The following CACNA1E variants were observed in gnomAD, a reference collection of about 807,000 sequenced individuals.
CACNA1E encodes calcium voltage-gated channel subunit alpha1 E.
CACNA1E carries 40 observed loss-of-function variants against 259.2 expected under a neutral mutation model. The ratio of observed to expected loss-of-function variants is 0.15; its 90% CI spans 0.12 to 0.20. The LOEUF is 0.20. CACNA1E is among the 10% of genes least tolerant of loss of function. CACNA1E has a pLI of 1.00. For synonymous variants in CACNA1E, 1,104 were observed against 1,138.5 expected (o/e 0.97, Z 0.61); for missense variants, 1,874 against 3,040.1 (o/e 0.62, Z 9.02).
intron 6 of CACNA1E, among the ~76,000 whole-genome samples, chr1:181,644,303 T>C (rs992265608): frequency 6.6e-6 from 1 of 152,192 alleles, no homozygotes; most frequent in African/African-American, 2.4e-5. Context: ...GATCTGCCGA[T>C]AAGTTGCTTG....
intron 10 of CACNA1E, among the ~76,000 whole-genome samples, chr1:181,716,356 G>A (rs991458772): frequency 7.2e-5 from 11 of 151,738 alleles, no homozygotes; most frequent in Non-Finnish European, 1.6e-4. Flanking sequence ...TGGGATTTAG[G>A]GCTAAGAATC....
chr1:181,715,494 C>T (rs1653806137), intron 9 of CACNA1E, 103 bp downstream of exon 9: 2 of 695,342 alleles, frequency 2.9e-6, no homozygotes, highest in African/African-American at 3.6e-5. Flanking sequence ...AGATGGTGTT[C>T]TGGGATTGGA....
At chr1:181,756,811 T>A in intron 29 of CACNA1E, 114 bp from the exon 30 acceptor site, 1 of 732,924 alleles carries the variant, frequency 1.4e-6, no homozygotes. Context: ...AAAAAATTAA[T>A]GGAGGATCTG....
chr1:181,599,056 C>G (rs1162521429), intron 6 of CACNA1E, among the ~76,000 whole-genome samples: 2 of 152,112 alleles, frequency 1.3e-5, no homozygotes, highest in African/African-American at 4.8e-5. Context: ...CATCCCATCA[C>G]CCAGATACCA....
At chr1:181,598,567 T>C (rs113042814) in intron 6 of CACNA1E, among the ~76,000 whole-genome samples, 10 of 152,018 alleles carry the variant, frequency 6.6e-5, no homozygotes, top group African/African-American at 2.4e-4. Context: ...GGGAAGAGAT[T>C]GGGGGTGAGT....
chr1:181,638,039 C>A (rs1657399577), intron 6 of CACNA1E, among the ~76,000 whole-genome samples: 1 of 152,104 alleles, frequency 6.6e-6, no homozygotes, highest in South Asian at 2.1e-4. Flanking sequence ...TTGGCATGGG[C>A]AAATTCCCAT....
intron 6 of CACNA1E, among the ~76,000 whole-genome samples, chr1:181,644,396 A>G (rs1398247413): frequency 6.6e-6 from 1 of 152,170 alleles, no homozygotes; most frequent in African/African-American, 2.4e-5. Flanking sequence ...TGTTCTCATC[A>G]TCCTCTTCCA....
In CACNA1E at chr1:181,649,099, C is replaced by T. The variant is rs140551507; in HGVS notation, c.952-2239C>T. ...CATGTCTTAACGATCTCAGAGAAAA[C>T]GGCTTCCTACCTCCCTTAAAACCCT... On this transcript the variant is annotated intron_variant, in intron 6 of 47. Transcript: ENST00000367573. 3.9e-5 allele frequency among the ~76,000 whole-genome samples: 6 copies of T among 152,326 alleles called. No individual in the cohort carries two copies. In the East Asian group the frequency reaches 7.7e-4, roughly 20 times the overall value.
chr1:181,733,016 G>A lies in CACNA1E; in HGVS notation c.2930G>A (p.Arg977Lys), dbSNP rs1558320979. The change falls in exon 20 of 48, where the codon AGA becomes AAA. Residue 977 changes from arginine to lysine, a missense_variant. Arg to Lys is a conservative substitution (Grantham distance 26). Coordinates refer to ENST00000367573, the MANE Select transcript of CACNA1E (RefSeq NM_001205293.3). ...GAKEPTIQEERAQDLRRTNSL... is the reference protein window; with the variant it reads ...GAKEPTIQEEKAQDLRRTNSL... ...AAGGAGCCAACGATCCAAGAAGAGA[G>A]AGCCCAGGATTTAAGGAGGTGAGTG... is the stretch of plus-strand genomic sequence containing the variant. The A allele has an allele frequency of 6.2e-7, 1 of 1,607,896 alleles. No homozygotes were observed.
chr1:181,673,834 G>A (rs896481921), intron 7 of CACNA1E, among the ~76,000 whole-genome samples: 2 of 151,940 alleles, frequency 1.3e-5, no homozygotes, highest in Non-Finnish European at 2.9e-5. Context: ...GCTCTCGTTC[G>A]TTGCCTCTTT....
At chr1:181,669,735 A>G (rs1477920876) in intron 7 of CACNA1E, among the ~76,000 whole-genome samples, 1 of 152,220 alleles carries the variant, frequency 6.6e-6, no homozygotes, top group African/African-American at 2.4e-5. Context: ...TGTATTCATC[A>G]GAAATTTTCC....
chr1:181,582,351 A>G (rs1651625997), intron 6 of CACNA1E, among the ~76,000 whole-genome samples: 1 of 152,212 alleles, frequency 6.6e-6, no homozygotes, highest in African/African-American at 2.4e-5. Context: ...GTCACTCCTC[A>G]TTTGAGATGT....
At chr1:181,601,441 C>T (rs1653738789) in intron 6 of CACNA1E, among the ~76,000 whole-genome samples, 1 of 152,298 alleles carries the variant, frequency 6.6e-6, no homozygotes, top group Middle Eastern at 3.4e-3. Flanking sequence ...TCTGCTCTCT[C>T]CCACCTGGTC....
chr1:181,522,390 C>G (rs576939210), intron 3 of CACNA1E, among the ~76,000 whole-genome samples: 1 of 152,142 alleles, frequency 6.6e-6, no homozygotes, highest in Admixed American at 6.5e-5. Context: ...AGTGTGTGGG[C>G]TTTTATTTTT....
chr1:181,758,817 C>T lies in CACNA1E; in HGVS notation c.4554C>T (p.Thr1518=). Residue 1518 remains threonine (T), a synonymous_variant, in exon 32 of 48, where the codon ACC becomes ACT. Transcript: ENST00000367573. This position sits in a 1 kb window ranked among gnomAD's most constrained non-coding sequence, Gnocchi z 4.2. ...TGAAGTACCTGAATATCGCCTTCAC[C>T]ATGGTGTTTTCCCTGGAATGTGTCC... The part of the protein sequence containing the change: ...LALKYLNIAF[T]MVFSLECVLK... 1 of 1,613,298 alleles carries T rather than the reference C, an allele frequency of 6.2e-7. No homozygotes were observed. Among genetic ancestry groups the T allele is most frequent in the Non-Finnish European group, 8.5e-7 (1 of 1,179,274 alleles).
At chr1:181,746,098 T>A (rs995113942) in intron 25 of CACNA1E, among the ~76,000 whole-genome samples, 3 of 152,170 alleles carry the variant, frequency 2.0e-5, no homozygotes, top group Non-Finnish European at 2.9e-5. Flanking sequence ...GATTGAGGGT[T>A]CGAGGGTGAC....
intron 1 of CACNA1E, among the ~76,000 whole-genome samples, chr1:181,379,314 A>C (rs530086999): frequency 1.3e-5 from 2 of 152,316 alleles, no homozygotes; most frequent in South Asian, 2.1e-4. Context: ...CAATGGCTGA[A>C]AATTTCCAAA....
At chr1:181,405,948 T>C (rs1364013745) in intron 1 of CACNA1E, among the ~76,000 whole-genome samples, 2 of 152,244 alleles carry the variant, frequency 1.3e-5, no homozygotes, top group African/African-American at 4.8e-5. Context: ...AAAATTTTAT[T>C]GAAATACAGC....
At chr1:181,406,510 C>T (rs1009143080) in intron 1 of CACNA1E, among the ~76,000 whole-genome samples, 1 of 152,096 alleles carries the variant, frequency 6.6e-6, no homozygotes, top group Admixed American at 6.5e-5. Flanking sequence ...AATTCTCTGC[C>T]TCAGCCTCCT....
Sources: gnomAD v4.1 joint callset for allele counts (sites outside exome capture counted in the v4.1 genomes callset) on GRCh38, gnomAD v4.1.1 for gene constraint, Gnocchi (gnomAD v3.1) non-coding constraint, MANE v1.5 for transcripts, NCBI Gene and HGNC (gene_info 2026-07-23, HGNC 2026-07-21) for gene names.